Variants in FBXL18 observed in about 807,000 individuals in gnomAD.
FBXL18 encodes F-box/LRR-repeat protein 18.
In FBXL18, 36 loss-of-function variants were observed where a neutral mutation model predicts 46.0. That is an observed-to-expected ratio of 0.78 (90% CI 0.60 to 1.03). The LOEUF is 1.03. Among genes scored for constraint, FBXL18 ranks in the 50% least tolerant of loss-of-function variants. The pLI is 0.00. For synonymous variants in FBXL18, 557 were observed against 465.3 expected, an observed-to-expected ratio of 1.20 and a Z score of -2.54; for missense variants, 977 against 1,004.1, an observed-to-expected ratio of 0.97 and a Z score of 0.36.
chr7:5,459,808 G>A (rs182699604), intron 4 of FBXL18, among the ~76,000 whole-genome samples: 1 of 152,090 alleles, frequency 6.6e-6, no homozygotes, highest in Non-Finnish European at 1.5e-5. Flanking sequence ...AGCTACTCGG[G>A]AGGATGAGGC....
intron 4 of FBXL18, among the ~76,000 whole-genome samples, chr7:5,484,939 ATTATTTT>A (rs1001007263): frequency 3.3e-5 from 5 of 151,838 alleles, no homozygotes; most frequent in South Asian, 2.1e-4. Flanking sequence ...ATACCCGGCC[ATTATTTT>A]TTATTTTTTA....
intron 4 of FBXL18, among the ~76,000 whole-genome samples, chr7:5,468,840 A>T (rs949955428): frequency 6.6e-6 from 1 of 152,028 alleles, no homozygotes; most frequent in African/African-American, 2.4e-5. Context: ...GCCTCAAGTG[A>T]TCCTCCCATC....
chr7:5,456,023 G>A (rs1317397884), intron 4 of FBXL18, among the ~76,000 whole-genome samples: 3 of 151,936 alleles, frequency 2.0e-5, no homozygotes, highest in South Asian at 2.1e-4. Flanking sequence ...TTTGCCCTCC[G>A]CAGTCCTTCT....
At chr7:5,504,639 G>C (rs1213571845) in intron 2 of FBXL18, among the ~76,000 whole-genome samples, 1 of 147,690 alleles carries the variant, frequency 6.8e-6, no homozygotes, top group Admixed American at 6.7e-5. Flanking sequence ...TACCAGGCCG[G>C]GTGTGGTGGT....
Position 5,496,202 on chromosome 7 carries a change from T to A in FBXL18, c.1781+4286A>T, listed in dbSNP as rs1008327601. ...CATCCATTAAGTGGGTACAACTGTG[T>A]CGACACTCAGAGGTTGTTGAGAATA... is the stretch of plus-strand genomic sequence containing the variant. On this transcript the variant is annotated intron_variant, in intron 3 of 4. Coordinates refer to ENST00000382368, the MANE Select transcript of FBXL18 (RefSeq NM_024963.6). This position sits in a 1 kb window ranked among gnomAD's most constrained non-coding sequence, Gnocchi z 4.8. 5.9e-5 allele frequency among the ~76,000 whole-genome samples: 9 copies of A among 152,146 alleles called. No homozygotes were observed. Among genetic ancestry groups the A allele is most frequent in the African/African-American group, 2.2e-4 (9 of 41,434 alleles).
At position 5,465,225 on chromosome 7, in the gene FBXL18, C is replaced by T. The variant is rs181313345; in HGVS notation, c.2001-17382G>A. ...ATTTTATTGATTATTTTTTTTGAGA[C>T]GGTCGTGCTCTGTCGCCCAGGCTGC... On this transcript the variant is annotated intron_variant and NMD_transcript_variant, in intron 4 of 6. Coordinates refer to the FBXL18 transcript ENST00000415009. 1.8e-4 allele frequency among the ~76,000 whole-genome samples: 28 copies of T among 151,874 alleles called. No homozygotes were observed. In the East Asian group the frequency reaches 1.9e-3, roughly 11 times the overall value.
At chr7:5,462,453 C>T (rs1319344129) in intron 4 of FBXL18, among the ~76,000 whole-genome samples, 1 of 152,082 alleles carries the variant, frequency 6.6e-6, no homozygotes, top group Non-Finnish European at 1.5e-5. Context: ...TTACATAAAA[C>T]AGAATCAGTC....
At chr7:5,470,375 C>A (rs1266568175) in intron 4 of FBXL18, among the ~76,000 whole-genome samples, 1 of 152,136 alleles carries the variant, frequency 6.6e-6, no homozygotes, top group Non-Finnish European at 1.5e-5. Flanking sequence ...AGGCGGGTAC[C>A]CAGCGCAGGC....
chr7:5,458,789 G>C (rs1783206644), intron 4 of FBXL18, among the ~76,000 whole-genome samples: 1 of 152,126 alleles, frequency 6.6e-6, no homozygotes, highest in Admixed American at 6.5e-5. Flanking sequence ...TGAACCCGGA[G>C]GCAAACAATG....
At chr7:5,473,300 C>T (rs542374988), downstream of FBXL18, among the ~76,000 whole-genome samples, 4 of 152,226 alleles carry the variant, frequency 2.6e-5, no homozygotes, top group East Asian at 7.7e-4. Context: ...CCTGGCCGCT[C>T]CGTTCTGCAG....
At chr7:5,487,761 C>A (rs776146911) in intron 4 of FBXL18, among the ~76,000 whole-genome samples, 1 of 152,164 alleles carries the variant, frequency 6.6e-6, no homozygotes, top group Non-Finnish European at 1.5e-5. Flanking sequence ...AGGCACACTG[C>A]GAACACGGAC....
rs139569816 is a variant in FBXL18 at position 5,460,978 on chromosome 7, C to T, written c.2001-13135G>A. On this transcript the variant is annotated intron_variant and NMD_transcript_variant, in intron 4 of 6. Coordinates refer to the FBXL18 transcript ENST00000415009. ...TACTGGGAAACAGGGCTGAGAGTCT[C>T]GTTTGTTCAAAGAAAATCTTTTCCT... Among the ~76,000 whole-genome samples, 184 of 152,336 alleles carry T rather than the reference C, an allele frequency of 1.2e-3. 1 individual carries two copies. Among genetic ancestry groups the T allele is most frequent in the African/African-American group, 4.3e-3 (179 of 41,586 alleles).
intron 3 of FBXL18, among the ~76,000 whole-genome samples, chr7:5,499,333 TGAACCGAC>T: frequency 7.3e-4 from 1 of 1,368 alleles, no homozygotes; most frequent in East Asian, 0.031. Flanking sequence ...CTGGACCCTC[TGAACCGAC>T]TGCTCTCTGA....
intron 3 of FBXL18, among the ~76,000 whole-genome samples, chr7:5,497,886 C>T (rs1161121960): frequency 6.6e-6 from 1 of 152,026 alleles, no homozygotes; most frequent in Admixed American, 6.6e-5. Flanking sequence ...GACAATGACA[C>T]GTGCCCACGT....
At position 5,501,703 on chromosome 7, in the gene FBXL18, GGCACCAC is replaced by G; in HGVS notation, c.559_565del (p.Val187ProfsTer6). ...CAGCTTCTCTAGGCTGGTGCAGCAG[GGCACCAC>G]GCCGTAGGAGGGAGTGAACAGCGTC... On this transcript the variant is annotated frameshift_variant, in exon 3 of 5. Transcript: ENST00000382368. LOFTEE classifies it high-confidence loss of function. 6.3e-7 allele frequency: 1 copy of G among 1,597,798 alleles called. No individual in the cohort carries two copies. The highest frequency in any genetic ancestry group is 8.5e-7 in the Non-Finnish European group (1 of 1,171,858).
At chr7:5,487,380 C>T (rs1485070236) in intron 4 of FBXL18, among the ~76,000 whole-genome samples, 2 of 152,220 alleles carry the variant, frequency 1.3e-5, no homozygotes, top group East Asian at 3.8e-4. Context: ...TGGGGGAATC[C>T]AGCTTATGTG....
intron 4 of FBXL18, among the ~76,000 whole-genome samples, chr7:5,463,728 A>ATTTATTTATTTTT (rs1562672288): frequency 5.8e-4 from 31 of 53,000 alleles, no homozygotes; most frequent in Non-Finnish European, 6.7e-4. Flanking sequence ...TTATTTATTT[A>ATTTATTTATTTTT]TTTTTTTTTT....
At chr7:5,467,192 A>G (rs1358378641) in intron 4 of FBXL18, among the ~76,000 whole-genome samples, 1 of 152,134 alleles carries the variant, frequency 6.6e-6, no homozygotes, top group African/African-American at 2.4e-5. Context: ...TCTACTAAAA[A>G]TACAAAAAAT....
chr7:5,491,175 C>G, intron 4 of FBXL18, 56 bp downstream of exon 4: 1 of 1,489,994 alleles, frequency 6.7e-7, no homozygotes, highest in East Asian at 2.4e-5. Flanking sequence ...GACCAGGTCA[C>G]GGGATGCTGG....
Sources: allele counts gnomAD v4.1 joint callset (sites outside exome capture counted in the v4.1 genomes callset), GRCh38; gene constraint gnomAD v4.1.1; non-coding constraint Gnocchi (gnomAD v3.1); transcripts MANE v1.5; gene names NCBI Gene and HGNC (gene_info 2026-07-23, HGNC 2026-07-21).